Variants in PPP2R1A observed in about 807,000 individuals in gnomAD.
PPP2R1A encodes protein phosphatase 2 scaffold subunit Aalpha.
PPP2R1A carries 15 observed loss-of-function variants against 67.1 expected under a neutral mutation model. The ratio of observed to expected loss-of-function variants is 0.22; its 90% CI spans 0.15 to 0.34. The LOEUF (loss-of-function observed/expected upper bound fraction) is 0.34. Ranked by LOEUF, PPP2R1A falls within the 10% of genes least tolerant of loss-of-function variation. PPP2R1A has a pLI of 1.00. For synonymous variants in PPP2R1A, 337 were observed against 325.0 expected, an observed-to-expected ratio of 1.04 and a Z score of -0.40; for missense variants, 369 against 775.0, an observed-to-expected ratio of 0.48 and a Z score of 6.22.
At chr19:52,194,381 C>T (rs991674524) in intron 1 of PPP2R1A, among the ~76,000 whole-genome samples, 2 of 152,084 alleles carry the variant, frequency 1.3e-5, no homozygotes, top group Non-Finnish European at 2.9e-5. Flanking sequence ...AGGACTAGAC[C>T]AGGACTAGAT....
chr19:52,225,861 G>A (rs1375758409), intron 14 of PPP2R1A, 53 bp downstream of exon 14: 1 of 1,612,050 alleles, frequency 6.2e-7, no homozygotes, highest in South Asian at 1.1e-5. Context: ...TTGAGGACAG[G>A]CACTGGGCCT....
Position 52,201,893 on chromosome 19 carries a change from C to T in PPP2R1A, c.79-51C>T, listed in dbSNP as rs200067439. 336 of 1,544,516 alleles carry T rather than the reference C, an allele frequency of 2.2e-4. 2 individuals carry two copies. In the East Asian group the frequency reaches 5.7e-3, roughly 26 times the overall value. Reference sequence around the variant, plus strand: ...GGGTTGAGAGCTGTCAGAACTCACGCGTGTCTGGGATTTCTAACATTCTCC... The same window carrying T: ...GGGTTGAGAGCTGTCAGAACTCACGTGTGTCTGGGATTTCTAACATTCTCC... On this transcript the variant is annotated intron_variant, in intron 1 of 14. Transcript: ENST00000322088.
Position 52,212,630 on chromosome 19 carries a change from T to C in PPP2R1A, c.504-56T>C. 6.3e-7 allele frequency: 1 copy of C among 1,590,466 alleles called. No homozygotes were observed. The highest frequency in any genetic ancestry group is 1.1e-5 in the South Asian group (1 of 90,128). ...ACCCACACAACTGCAGAGTCTGTGC[T>C]TGCTCCTCTCTGCCATACTGCCTGC... On this transcript the variant is annotated intron_variant, in intron 4 of 14. Coordinates refer to ENST00000322088, the MANE Select transcript of PPP2R1A (RefSeq NM_014225.6). The surrounding 1 kb of genome is among the most constrained non-coding windows in gnomAD (Gnocchi z 4.1).
chr19:52,216,788 T>C lies in PPP2R1A; in HGVS notation c.1128+125T>C. Reference sequence around the variant, plus strand: ...TCTCAACAGACATCCAGATCTTTGCTGAGTTGCATGTTTGTGGGCATAGCT... The same window carrying C: ...TCTCAACAGACATCCAGATCTTTGCCGAGTTGCATGTTTGTGGGCATAGCT... On this transcript the variant is annotated intron_variant, in intron 9 of 14. Transcript: ENST00000322088. The surrounding 1 kb of genome is among the most constrained non-coding windows in gnomAD (Gnocchi z 4.3). 7.0e-7 allele frequency: 1 copy of C among 1,430,776 alleles called. No individual in the cohort carries two copies. The highest frequency in any genetic ancestry group is 2.3e-5 in the East Asian group (1 of 42,938). The allele number at this position is 1,430,776 out of a possible 1,614,324, so 88.6% of individuals were successfully genotyped here.
chr19:52,225,319 G>A (rs954534679), intron 13 of PPP2R1A, among the ~76,000 whole-genome samples: 2 of 152,022 alleles, frequency 1.3e-5, no homozygotes, highest in African/African-American at 4.8e-5. Flanking sequence ...ACCACGTCCG[G>A]CCTGATTTTA....
intron 1 of PPP2R1A, among the ~76,000 whole-genome samples, chr19:52,197,242 A>G (rs946033007): frequency 2.6e-5 from 4 of 152,232 alleles, no homozygotes; most frequent in African/African-American, 9.6e-5. Flanking sequence ...ACCAGTGGAA[A>G]TCAGGAGTTG....
chr19:52,209,678 C>G lies in PPP2R1A; in HGVS notation c.271-1582C>G. ...ACCCATTGGACATGAGCTCCCCCTTCCCTCTCCCCCAGCCCCTGGCAGCCA... is the reference window on the plus strand; with the variant it reads ...ACCCATTGGACATGAGCTCCCCCTTGCCTCTCCCCCAGCCCCTGGCAGCCA... On this transcript the variant is annotated intron_variant, in intron 3 of 14. Transcript: ENST00000322088. Among the ~76,000 whole-genome samples the G allele has an allele frequency of 1.3e-5, 2 of 152,170 alleles. 1 individual carries two copies. Among genetic ancestry groups the G allele is most frequent in the Non-Finnish European group, 2.9e-5 (2 of 68,024 alleles).
intron 1 of PPP2R1A, chr19:52,190,397 CCGGGCCTGCCCTG>C: frequency 1.7e-6 from 1 of 595,562 alleles, no homozygotes; most frequent in Non-Finnish European, 3.0e-6. Context: ...CTCGAGGGTC[CCGGGCCTGCCCTG>C]TGCGCGCGGC....
chr19:52,217,220 A>G (rs950640711), intron 9 of PPP2R1A, among the ~76,000 whole-genome samples: 1 of 152,154 alleles, frequency 6.6e-6, no homozygotes, highest in African/African-American at 2.4e-5. Context: ...ATGTTTTGAG[A>G]TAGGGTCTTG....
intron 13 of PPP2R1A, among the ~76,000 whole-genome samples, chr19:52,223,405 T>C (rs1431205240): frequency 6.6e-6 from 1 of 152,184 alleles, no homozygotes; most frequent in African/African-American, 2.4e-5. Context: ...TTCTGTAAAA[T>C]GTAACGCTGT....
intron 1 of PPP2R1A, chr19:52,200,295 G>A (rs1000144412): frequency 5.9e-5 from 9 of 152,216 alleles, no homozygotes; most frequent in Non-Finnish European, 1.3e-4. Flanking sequence ...ATTAATAATA[G>A]GAGAGGCCTC....
chr19:52,193,949 C>CAA (rs781755185), intron 1 of PPP2R1A, among the ~76,000 whole-genome samples: 9 of 116,924 alleles, frequency 7.7e-5, no homozygotes, highest in African/African-American at 1.6e-4. Context: ...CTGTCTCTAC[C>CAA]AAAAAAAAAA....
intron 1 of PPP2R1A, among the ~76,000 whole-genome samples, chr19:52,192,199 C>T (rs1027537206): frequency 6.6e-6 from 1 of 151,912 alleles, no homozygotes; most frequent in African/African-American, 2.4e-5. Flanking sequence ...TTTAAGAAGG[C>T]CAATCAGGCA....
In PPP2R1A at chr19:52,212,412, G is replaced by C. The variant is rs1045971416; in HGVS notation, c.504-274G>C. The C allele has an allele frequency of 2.2e-6, 1 of 455,726 alleles. No homozygotes were observed. 28.2% of individuals were successfully genotyped at this position (455,726 alleles called of 1,614,324 possible). ...TTGGTTAAGCAATTTTTATGGGAAT[G>C]ATGTAATCGTCAGCACTTAGCATTG... is the stretch of plus-strand genomic sequence containing the variant. On this transcript the variant is annotated intron_variant, in intron 4 of 14. Transcript: ENST00000322088. The surrounding 1 kb of genome is among the most constrained non-coding windows in gnomAD (Gnocchi z 4.1).
chr19:52,192,050 T>C (rs1288707298), intron 1 of PPP2R1A, among the ~76,000 whole-genome samples: 2 of 151,798 alleles, frequency 1.3e-5, no homozygotes, highest in Non-Finnish European at 2.9e-5. Flanking sequence ...GGGAGACAAA[T>C]AAAAATAAGA....
intron 2 of PPP2R1A, 62 bp downstream of exon 2, chr19:52,202,096 TA>T: frequency 7.3e-7 from 1 of 1,376,078 alleles, no homozygotes; most frequent in Non-Finnish European, 1.0e-6. Flanking sequence ...TTTCACTATA[TA>T]AGAGAAGACT....
At chr19:52,204,007 T>C (rs73935026) in intron 2 of PPP2R1A, among the ~76,000 whole-genome samples, 21,760 of 152,258 alleles carry the variant, frequency 0.14, 1,595 homozygotes, top group African/African-American at 0.15. Context: ...AGAACCTCTA[T>C]GTGTTTCACC....
intron 1 of PPP2R1A, among the ~76,000 whole-genome samples, chr19:52,194,081 C>T (rs2089477318): frequency 8.7e-6 from 1 of 114,294 alleles, no homozygotes; most frequent in Non-Finnish European, 1.8e-5. Flanking sequence ...CAGCAAGACC[C>T]TGTCTCCAAA....
rs1979291170 is a variant in PPP2R1A, at chr19:52,226,764, C to T, written c.*783C>T. On this transcript the variant is annotated 3_prime_UTR_variant, in exon 15 of 15. Coordinates refer to ENST00000322088, the MANE Select transcript of PPP2R1A (RefSeq NM_014225.6). ...GAGTAGCTTGTTAAGTCTTTATGAG[C>T]TCAGTTTTGTATTGTGTAAAATGAG... 1 of 155,470 alleles carries T rather than the reference C, an allele frequency of 6.4e-6. No homozygotes were observed. Among genetic ancestry groups the T allele is most frequent in the Non-Finnish European group, 1.4e-5 (1 of 69,972 alleles). 9.6% of individuals were successfully genotyped at this position (155,470 alleles called of 1,614,324 possible).
Sources: gnomAD v4.1 joint callset for allele counts (sites outside exome capture counted in the v4.1 genomes callset) on GRCh38, gnomAD v4.1.1 for gene constraint, Gnocchi (gnomAD v3.1) non-coding constraint, MANE v1.5 for transcripts, NCBI Gene and HGNC (gene_info 2026-07-23, HGNC 2026-07-21) for gene names.